Variants in ZNF469 observed in about 807,000 individuals in gnomAD.
ZNF469 encodes the protein zinc finger protein 469.
A neutral mutation model predicts 1.0 loss-of-function variants in ZNF469; 1 was observed. That is an observed-to-expected ratio of 1.00 (90% CI 0.35 to 4.73). The LOEUF (loss-of-function observed/expected upper bound fraction) is 4.73. Ranked by LOEUF, ZNF469 falls within the 30% of genes most tolerant of loss-of-function variation. ZNF469 has a pLI of 0.16. For synonymous variants in ZNF469, 2,703 were observed against 2,363.4 expected (o/e 1.14, Z -4.17); for missense variants, 6,100 against 5,356.3 (o/e 1.14, Z -4.33).
the ZNF469 span, among the ~76,000 whole-genome samples, chr16:88,322,777 C>A: frequency 6.6e-6 from 1 of 152,222 alleles, no homozygotes; most frequent in African/African-American, 2.4e-5. Flanking sequence ...TGCCCACCCA[C>A]CTTCAGGAGA....
chr16:88,284,998 C>T, the ZNF469 span, among the ~76,000 whole-genome samples: 10 of 152,380 alleles, frequency 6.6e-5, no homozygotes, highest in African/African-American at 9.6e-5. Flanking sequence ...TCCAGGCAGC[C>T]GACTCTGAGC....
the ZNF469 span, among the ~76,000 whole-genome samples, chr16:88,103,764 T>A: frequency 1.7e-5 from 2 of 119,438 alleles, no homozygotes; most frequent in Admixed American, 8.2e-5. Flanking sequence ...GGCACGGGGG[T>A]GGGTGGAATA....
chr16:88,398,944 C>A (rs1904777879), intron 1 of ZNF469, among the ~76,000 whole-genome samples: 1 of 152,222 alleles, frequency 6.6e-6, no homozygotes, highest in African/African-American at 2.4e-5. Flanking sequence ...CACAGCAAAC[C>A]ACCACCCCCC....
At chr16:88,171,465 C>T in the ZNF469 span, among the ~76,000 whole-genome samples, 1 of 152,344 alleles carries the variant, frequency 6.6e-6, no homozygotes, top group Admixed American at 6.5e-5. Context: ...TCAGAAAGCT[C>T]CTGAAGCAGG....
At chr16:88,152,514 G>A in the ZNF469 span, among the ~76,000 whole-genome samples, 1 of 152,142 alleles carries the variant, frequency 6.6e-6, no homozygotes, top group Non-Finnish European at 1.5e-5. This position sits in a 1 kb window ranked among gnomAD's most constrained non-coding sequence, Gnocchi z 4.2. Context: ...CGCGCTGGAT[G>A]CCTCTCTGTG....
the ZNF469 span, among the ~76,000 whole-genome samples, chr16:88,216,755 A>T: frequency 6.6e-6 from 1 of 152,140 alleles, no homozygotes; most frequent in Non-Finnish European, 1.5e-5. Context: ...TTCTCCAGAG[A>T]TACTGATTAC....
chr16:88,134,005 C>T, the ZNF469 span, among the ~76,000 whole-genome samples: 313 of 152,288 alleles, frequency 2.1e-3, no homozygotes, highest in Middle Eastern at 0.017. Flanking sequence ...TGAGGCAGGA[C>T]AATCAATAGA....
chr16:88,380,978 A>G (rs992403262), upstream of ZNF469, among the ~76,000 whole-genome samples: 2 of 138,496 alleles, frequency 1.4e-5, no homozygotes, highest in Non-Finnish European at 3.1e-5. Flanking sequence ...GCACTCACAC[A>G]TATGCACTCA....
the ZNF469 span, among the ~76,000 whole-genome samples, chr16:88,244,413 ATG>A: frequency 3.4e-5 from 5 of 145,736 alleles, no homozygotes; most frequent in Non-Finnish European, 6.0e-5. Context: ...GGATGGATGG[ATG>A]GATGGATGGA....
chr16:88,195,718 G>A, the ZNF469 span, among the ~76,000 whole-genome samples: 86 of 152,318 alleles, frequency 5.6e-4, no homozygotes, highest in South Asian at 4.4e-3. Context: ...CTGAGACCTC[G>A]GGGTGTCCCG....
chr16:88,186,966 C>T, the ZNF469 span, among the ~76,000 whole-genome samples: 1 of 152,062 alleles, frequency 6.6e-6, no homozygotes, highest in Non-Finnish European at 1.5e-5. Flanking sequence ...ACTGCAGAGA[C>T]GGGCTCCAGG....
intron 1 of ZNF469, among the ~76,000 whole-genome samples, chr16:88,420,709 G>A (rs1302817386): frequency 1.3e-5 from 2 of 152,236 alleles, no homozygotes; most frequent in African/African-American, 2.4e-5. Flanking sequence ...CACTCACTGC[G>A]TGCTGGTTTG....
rs1344068355 is a variant in ZNF469, at chr16:88,431,065, C to T, written c.3595C>T (p.Pro1199Ser). The stretch of plus-strand genomic sequence containing the variant: ...GTGTGCTGATCGCCCCTCAGTGGCC[C>T]CCAAGGATCCCCTGCAGGTCCCCAC... ...PKCADRPSVA[P>S]KDPLQVPTNT... The change falls in exon 3 of 3, where the codon CCC (proline) becomes TCC (serine). Residue 1199 changes from proline to serine, a missense_variant. Physicochemically the swap from Pro to Ser is moderately conservative, Grantham distance 74 (BLOSUM62 -1). Coordinates refer to ENST00000565624, the MANE Select transcript of ZNF469 (RefSeq NM_001367624.2). The T allele has an allele frequency of 1.3e-6, 2 of 1,549,408 alleles. No individual in the cohort carries two copies. The highest frequency in any genetic ancestry group is 1.7e-6 in the Non-Finnish European group (2 of 1,146,852).
chr16:88,282,388 CT>C, the ZNF469 span, among the ~76,000 whole-genome samples: 2 of 152,236 alleles, frequency 1.3e-5, no homozygotes, highest in East Asian at 3.9e-4. Context: ...TGAGAGGGAC[CT>C]GGGTGTGTCT....
At chr16:88,360,113 C>G in the ZNF469 span, among the ~76,000 whole-genome samples, 4 of 152,092 alleles carry the variant, frequency 2.6e-5, no homozygotes, top group Non-Finnish European at 5.9e-5. Flanking sequence ...CTCGGCCTCC[C>G]AAAGTGCTGG....
chr16:88,146,385 G>A, the ZNF469 span, among the ~76,000 whole-genome samples: 1 of 152,162 alleles, frequency 6.6e-6, no homozygotes, highest in African/African-American at 2.4e-5. Flanking sequence ...TGTTCTCTGG[G>A]GTCAGGAGGA....
chr16:88,362,985 C>T, the ZNF469 span, among the ~76,000 whole-genome samples: 1 of 152,194 alleles, frequency 6.6e-6, no homozygotes, highest in East Asian at 1.9e-4. Flanking sequence ...CTCCATTCTA[C>T]TGTAGAGCCC....
the ZNF469 span, among the ~76,000 whole-genome samples, chr16:88,219,460 C>T: frequency 7.1e-5 from 10 of 141,002 alleles, no homozygotes; most frequent in East Asian, 2.0e-4. Context: ...TCAGAAATAA[C>T]GCCGCATATC....
At chr16:88,401,086 A>T (rs1443983643) in intron 1 of ZNF469, among the ~76,000 whole-genome samples, 3 of 151,878 alleles carry the variant, frequency 2.0e-5, no homozygotes, top group African/African-American at 7.3e-5. Flanking sequence ...GCCCTTGGAC[A>T]CTCAGTAGTC....
Sources: allele counts gnomAD v4.1 joint callset (sites outside exome capture counted in the v4.1 genomes callset), GRCh38; gene constraint gnomAD v4.1.1; non-coding constraint Gnocchi (gnomAD v3.1); transcripts MANE v1.5; gene names NCBI Gene and HGNC (gene_info 2026-07-23, HGNC 2026-07-21).